Variants in DMXL1 observed in about 807,000 individuals in gnomAD.
DMXL1 encodes dmX-like protein 1.
A neutral mutation model predicts 319.2 loss-of-function variants in DMXL1; 99 were observed. The observed-to-expected ratio is 0.31, with a 90% CI of 0.26 to 0.37. DMXL1 has a LOEUF of 0.37. Ranked by LOEUF, DMXL1 falls within the 10% of genes least tolerant of loss-of-function variation. The pLI is 1.00. For synonymous variants in DMXL1, 1,385 were observed against 1,235.2 expected (o/e 1.12, Z -2.54); for missense variants, 3,745 against 3,595.6 (o/e 1.04, Z -1.06).
intron 19 of DMXL1, among the ~76,000 whole-genome samples, chr5:119,156,297 A>G (rs898972243): frequency 2.6e-5 from 4 of 152,224 alleles, no homozygotes; most frequent in Non-Finnish European, 5.9e-5. Context: ...TAAGGTATGT[A>G]CACTCATTTT....
chr5:119,228,085 G>T (rs146261164), intron 38 of DMXL1, among the ~76,000 whole-genome samples: 170 of 152,282 alleles, frequency 1.1e-3, no homozygotes, highest in African/African-American at 3.8e-3. Flanking sequence ...TCTTCAATAA[G>T]TTATTCAGCC....
At chr5:119,215,589 C>T (rs898417934) in intron 34 of DMXL1, among the ~76,000 whole-genome samples, 3 of 152,124 alleles carry the variant, frequency 2.0e-5, no homozygotes, top group African/African-American at 7.2e-5. Context: ...ACCTCAGCCT[C>T]TCAAAGTGCT....
At chr5:119,194,770 A>G (rs1164279975) in intron 30 of DMXL1, among the ~76,000 whole-genome samples, 1 of 152,216 alleles carries the variant, frequency 6.6e-6, no homozygotes, top group African/African-American at 2.4e-5. Flanking sequence ...AAAATGAACA[A>G]AGGGCTGGGC....
intron 34 of DMXL1, among the ~76,000 whole-genome samples, chr5:119,216,450 G>C (rs938285850): frequency 6.6e-6 from 1 of 152,148 alleles, no homozygotes; most frequent in South Asian, 2.1e-4. Flanking sequence ...TCCATGAGCT[G>C]AGAATTTTTA....
chr5:119,133,203 C>G lies in DMXL1; in HGVS notation c.1387C>G (p.Pro463Ala). Residue 463 changes from proline (P) to alanine (A), a missense_variant, in exon 11 of 44, where the codon CCA becomes GCA. Transcript: ENST00000539542. ...KKELGCDKMV[P>A]NSSFTSLSSA... is the part of the protein sequence containing the mutation. ...GGAATTAGGCTGTGATAAAATGGTACCAAACTCAAGTTTTACATCATTATC... is the reference window on the plus strand; with the variant it reads ...GGAATTAGGCTGTGATAAAATGGTAGCAAACTCAAGTTTTACATCATTATC... 6.2e-7 allele frequency: 1 copy of G among 1,614,118 alleles called. No homozygotes were observed. The highest frequency in any genetic ancestry group is 8.5e-7 in the Non-Finnish European group (1 of 1,180,006).
At chr5:119,173,351 CAAAAA>C (rs1251810129) in intron 25 of DMXL1, among the ~76,000 whole-genome samples, 1 of 76,740 alleles carries the variant, frequency 1.3e-5, no homozygotes, top group South Asian at 4.1e-4. Flanking sequence ...CACCCCCCGC[CAAAAA>C]AAAAAAAAAA....
intron 1 of DMXL1, 70 bp downstream of exon 1, chr5:119,071,726 C>G: frequency 7.1e-7 from 1 of 1,404,300 alleles, no homozygotes; most frequent in South Asian, 1.3e-5. Flanking sequence ...GAGCTTGGCC[C>G]AGAACGACGG....
chr5:119,102,303 A>G, intron 3 of DMXL1: 1 of 234,438 alleles, frequency 4.3e-6, no homozygotes, highest in Admixed American at 5.5e-5. Context: ...TGCTAGTATC[A>G]AATACCGTTG....
intron 13 of DMXL1, among the ~76,000 whole-genome samples, chr5:119,140,538 C>T (rs1430013782): frequency 1.3e-5 from 2 of 151,968 alleles, no homozygotes; most frequent in South Asian, 2.1e-4. Flanking sequence ...GGACATATAC[C>T]CCCTCCTAAG....
intron 26 of DMXL1, among the ~76,000 whole-genome samples, chr5:119,175,836 G>C (rs1775691641): frequency 6.6e-6 from 1 of 152,034 alleles, no homozygotes; most frequent in Non-Finnish European, 1.5e-5. Flanking sequence ...ATGTTATAAA[G>C]TTTTACTGAA....
intron 25 of DMXL1, among the ~76,000 whole-genome samples, chr5:119,174,976 C>T (rs1006413257): frequency 6.6e-6 from 1 of 152,154 alleles, no homozygotes; most frequent in South Asian, 2.1e-4. Flanking sequence ...TCATGCTCTA[C>T]TGGAGAGCTG....
chr5:119,208,245 C>G (rs1782100118), intron 34 of DMXL1, among the ~76,000 whole-genome samples: 1 of 145,364 alleles, frequency 6.9e-6, no homozygotes, highest in African/African-American at 2.6e-5. Context: ...CAGAGTTTCA[C>G]TCAGGTTTCC....
rs1461718478 is a variant in DMXL1 at position 119,197,920 on chromosome 5, A to G, written c.7709A>G (p.His2570Arg). The G allele has an allele frequency of 2.5e-6, 4 of 1,614,208 alleles. No individual in the cohort carries two copies. Among genetic ancestry groups the G allele is most frequent in the Non-Finnish European group, 3.4e-6 (4 of 1,180,032 alleles). ...TCTGCAGGTCCTGCAATTCTTCGCC[A>G]CAAAGCTTTACTGGAACCTACAAAC... is the stretch of plus-strand genomic sequence containing the variant. Reference protein sequence around the residue: ...SLSAGPAILRHKALLEPTNTP... With the variant: ...SLSAGPAILRRKALLEPTNTP... The change falls in exon 32 of 44, where the codon CAC (histidine) becomes CGC (arginine). Residue 2570 changes from histidine (H) to arginine (R), a missense_variant. This residue lies in a region of DMXL1 where 1,382 missense variants were observed against 1,269.5 expected (regional missense o/e 1.09). Coordinates refer to ENST00000539542, the MANE Select transcript of DMXL1 (RefSeq NM_001290321.3).
chr5:119,140,702 A>G (rs1001152799), intron 13 of DMXL1, among the ~76,000 whole-genome samples: 2 of 152,130 alleles, frequency 1.3e-5, no homozygotes, highest in African/African-American at 4.8e-5. Flanking sequence ...TACCATTCCT[A>G]CTGAAACTAT....
intron 15 of DMXL1, among the ~76,000 whole-genome samples, 179 bp from the exon 16 acceptor site, chr5:119,146,658 T>C (rs1768611353): frequency 1.3e-5 from 2 of 152,068 alleles, no homozygotes; most frequent in Admixed American, 1.3e-4. Context: ...AATTTTAAGT[T>C]AATACAAATT....
At position 119,132,797 on chromosome 5, in the gene DMXL1, G is replaced by T; in HGVS notation, c.1316-335G>T. The T allele has an allele frequency of 7.3e-6, 4 of 549,684 alleles. No individual in the cohort carries two copies. The East Asian group carries it at 1.9e-4, about 26-fold the overall frequency. The allele number at this position is 549,684 out of a possible 1,614,324, so 34.1% of individuals were successfully genotyped here. ...ACGATTAATTTGAACTACTTGGTAG[G>T]TGTTATGGTAACAAATGATACTTTT... On this transcript the variant is annotated intron_variant, in intron 10 of 43. Coordinates refer to ENST00000539542, the MANE Select transcript of DMXL1 (RefSeq NM_001290321.3).
At chr5:119,114,011 G>T (rs1413736780) in intron 5 of DMXL1, among the ~76,000 whole-genome samples, 1 of 152,156 alleles carries the variant, frequency 6.6e-6, no homozygotes, top group African/African-American at 2.4e-5. Context: ...TATCTAACAA[G>T]TATATAGGTG....
intron 19 of DMXL1, among the ~76,000 whole-genome samples, chr5:119,153,986 G>T (rs1045548405): frequency 1.3e-5 from 2 of 152,192 alleles, no homozygotes; most frequent in African/African-American, 4.8e-5. Flanking sequence ...TCTGTGATCA[G>T]TGATCTTTGT....
At chr5:119,190,021 A>C (rs544607084) in intron 29 of DMXL1, 135 bp downstream of exon 29, 1 of 722,236 alleles carries the variant, frequency 1.4e-6, no homozygotes. Flanking sequence ...ATCAGGCTAC[A>C]TTCCAAAAAT....
Sources: allele counts gnomAD v4.1 joint callset (sites outside exome capture counted in the v4.1 genomes callset), GRCh38; gene constraint gnomAD v4.1.1; regional missense constraint gnomAD v4.1.1; transcripts MANE v1.5; gene names NCBI Gene and HGNC (gene_info 2026-07-23, HGNC 2026-07-21).